The following CNTN2 variants were observed in gnomAD, a reference collection of about 807,000 sequenced individuals.
The protein encoded by CNTN2 is contactin 2.
A neutral mutation model predicts 117.5 loss-of-function variants in CNTN2; 53 were observed. The ratio of observed to expected loss-of-function variants is 0.45; its 90% CI spans 0.36 to 0.57. CNTN2 has a LOEUF of 0.57. Among genes scored for constraint, CNTN2 ranks in the 20% least tolerant of loss-of-function variants. The pLI is 0.00. For missense variants in CNTN2, 1,106 were observed against 1,404.3 expected (o/e 0.79, Z 3.39); for synonymous variants, 530 against 561.7 (o/e 0.94, Z 0.80).
Position 205,066,438 on chromosome 1 carries a change from C to T in CNTN2, c.1817-3C>T. The T allele has an allele frequency of 6.2e-7, 1 of 1,613,216 alleles. No homozygotes were observed. On this transcript the variant is annotated splice_region_variant and splice_polypyrimidine_tract_variant and intron_variant, in intron 14 of 22. Coordinates refer to ENST00000331830, the MANE Select transcript of CNTN2 (RefSeq NM_005076.5). ...CCCACTGTGCTCTGACCTCTTGGTGCAGGTCCGCCAGGTCCCCCAGGAGGT... is the reference window on the plus strand; with the variant it reads ...CCCACTGTGCTCTGACCTCTTGGTGTAGGTCCGCCAGGTCCCCCAGGAGGT...
In CNTN2 at chr1:205,064,307, C is replaced by T. The variant is rs762590722; in HGVS notation, c.1241-15C>T. 1 of 1,548,302 alleles carries T rather than the reference C, an allele frequency of 6.5e-7. No individual in the cohort carries two copies. Among genetic ancestry groups the T allele is most frequent in the South Asian group, 1.2e-5 (1 of 84,936 alleles). On this transcript the variant is annotated splice_polypyrimidine_tract_variant and intron_variant, in intron 10 of 22. Coordinates refer to ENST00000331830, the MANE Select transcript of CNTN2 (RefSeq NM_005076.5). Reference sequence around the variant, plus strand: ...TGACAGTACTTTTCTCTGTGGCTCTCCCCTTTCCTTCTAGCACTCGCCCCT... The same window carrying T: ...TGACAGTACTTTTCTCTGTGGCTCTTCCCTTTCCTTCTAGCACTCGCCCCT...
chr1:205,059,117 C>T lies in CNTN2; in HGVS notation c.521C>T (p.Pro174Leu), dbSNP rs1455768620. The T allele has an allele frequency of 6.2e-7, 1 of 1,614,088 alleles. No individual in the cohort carries two copies. Among genetic ancestry groups the T allele is most frequent in the African/African-American group, 1.3e-5 (1 of 74,938 alleles). ...TACCGCTGGCTCCTCAACGAGTTCCCCAACTTCATCCCGACGGACGGGCGT... is the reference window on the plus strand; with the variant it reads ...TACCGCTGGCTCCTCAACGAGTTCCTCAACTTCATCCCGACGGACGGGCGT... ...LSYRWLLNEF[P>L]NFIPTDGRHF... Residue 174 changes from proline (P) to leucine (L), a missense_variant, in exon 6 of 23, where the codon CCC becomes CTC. Transcript: ENST00000331830. The surrounding 1 kb of genome is among the most constrained non-coding windows in gnomAD (Gnocchi z 5.6).
rs200105942 is a variant in CNTN2 at position 205,065,112 on chromosome 1, C to A, written c.1545C>A (p.Pro515=). The change falls in exon 13 of 23, where the codon CCC becomes CCA. Residue 515 remains proline, a synonymous_variant. Transcript: ENST00000331830. The surrounding 1 kb of genome is among the most constrained non-coding windows in gnomAD (Gnocchi z 4.1). ...VRDATKITLA[P]SSADINLGDN... is the part of the protein sequence containing the mutation. ...ATGCAACCAAAATCACTCTAGCCCC[C>A]TCAAGTGCCGACATCAACTTGGGTG... The A allele has an allele frequency of 5.0e-6, 8 of 1,613,996 alleles. No individual in the cohort carries two copies. Among genetic ancestry groups the A allele is most frequent in the Non-Finnish European group, 6.8e-6 (8 of 1,180,024 alleles).
chr1:205,059,938 A>T lies in CNTN2; in HGVS notation c.797+256A>T. 1 of 509,564 alleles carries T rather than the reference A, an allele frequency of 2.0e-6. No homozygotes were observed. The highest frequency in any genetic ancestry group is 3.4e-5 in the East Asian group (1 of 29,318). The allele number at this position is 509,564 out of a possible 1,614,324, so 31.6% of individuals were successfully genotyped here. A position where few individuals can be genotyped will look rare whatever the true frequency, so the allele number is the denominator to read the frequency against. ...GTGCATGGCAGGCTCAGACAGCTTG[A>T]GTAACACCCAGGGCTGGAGGCAGGC... On this transcript the variant is annotated intron_variant, in intron 7 of 22. Coordinates refer to ENST00000331830, the MANE Select transcript of CNTN2 (RefSeq NM_005076.5). This position sits in a 1 kb window ranked among gnomAD's most constrained non-coding sequence, Gnocchi z 5.6.
At position 205,049,281 on chromosome 1, in the gene CNTN2, GACACACAC is replaced by G. The variant is rs3835569; in HGVS notation, c.-86-3781_-86-3774del. Reference sequence around the variant, plus strand: ...GGCAAGGGGCTGAGTCCTCACACCCGACACACACACACACACACACACACACACACACA... The same window carrying G: ...GGCAAGGGGCTGAGTCCTCACACCCGACACACACACACACACACACACACA... On this transcript the variant is annotated intron_variant, in intron 1 of 22. Coordinates refer to ENST00000331830, the MANE Select transcript of CNTN2 (RefSeq NM_005076.5). Among the ~76,000 whole-genome samples the G allele has an allele frequency of 8.6e-3, 1,032 of 120,700 alleles. 6 individuals are homozygous for G. The highest frequency in any genetic ancestry group is 0.015 in the South Asian group (49 of 3,350). The allele number at this position is 120,700 out of a possible 152,430, so 79.2% of individuals were successfully genotyped here. A position where few individuals can be genotyped will look rare whatever the true frequency, so the allele number is the denominator to read the frequency against.
Position 205,077,281 on chromosome 1 carries a change from G to C in CNTN2, c.*3516G>C, listed in dbSNP as rs1222525944. ...TGCTGCCTCTTTAGGGCAGCCCCAA[G>C]GGCCAGCCAGCCTGTACTCTGGGCA... On this transcript the variant is annotated 3_prime_UTR_variant, in exon 23 of 23. Transcript: ENST00000331830. The C allele has an allele frequency of 6.6e-6, 1 of 152,332 alleles. No individual in the cohort carries two copies. The highest frequency in any genetic ancestry group is 1.5e-5 in the Non-Finnish European group (1 of 68,106). The allele number at this position is 152,332 out of a possible 1,614,324, so 9.4% of individuals were successfully genotyped here.
chr1:205,054,527 C>T (rs1444630399), intron 2 of CNTN2, among the ~76,000 whole-genome samples: 1 of 152,226 alleles, frequency 6.6e-6, no homozygotes, highest in African/African-American at 2.4e-5. Context: ...AGAGGGGAGG[C>T]GCCTGGGCTT....
rs1653851954 is a variant in CNTN2, at chr1:205,059,488, G to A, written c.698-95G>A. The A allele has an allele frequency of 3.8e-6, 5 of 1,304,790 alleles. No homozygotes were observed. Among genetic ancestry groups the A allele is most frequent in the Non-Finnish European group, 5.5e-6 (5 of 905,186 alleles). 80.8% of individuals were successfully genotyped at this position (1,304,790 alleles called of 1,614,324 possible). ...CAAGGAGATTCCACACAGCTGCCTA[G>A]ACAGAGTTGGCTCTGAAAGGTGCTG... On this transcript the variant is annotated intron_variant, in intron 6 of 22. Coordinates refer to ENST00000331830, the MANE Select transcript of CNTN2 (RefSeq NM_005076.5). The surrounding 1 kb of genome is among the most constrained non-coding windows in gnomAD (Gnocchi z 5.6).
Position 205,075,366 on chromosome 1 carries a change from GC to G in CNTN2, c.*1605del, listed in dbSNP as rs1654806869. ...GAAGCTCCCTGTCCCCCTCACTCTTGCCCCAAGAAAAGAGGCCAAAGCAAGA... is the reference window on the plus strand; with the variant it reads ...GAAGCTCCCTGTCCCCCTCACTCTTGCCCAAGAAAAGAGGCCAAAGCAAGA... On this transcript the variant is annotated 3_prime_UTR_variant, in exon 23 of 23. Transcript: ENST00000331830. 6.5e-6 allele frequency: 1 copy of G among 153,378 alleles called. No homozygotes were observed. Among genetic ancestry groups the G allele is most frequent in the Non-Finnish European group, 1.5e-5 (1 of 68,610 alleles). 9.5% of individuals were successfully genotyped at this position (153,378 alleles called of 1,614,324 possible). A position where few individuals can be genotyped will look rare whatever the true frequency, so the allele number is the denominator to read the frequency against.
intron 16 of CNTN2, 52 bp from the exon 17 acceptor site, chr1:205,069,439 T>TG: frequency 6.3e-7 from 1 of 1,587,878 alleles, no homozygotes; most frequent in Non-Finnish European, 8.6e-7. Flanking sequence ...AGGGCTTTCA[T>TG]TTTTTCCTTG....
intron 12 of CNTN2, 30 bp downstream of exon 12, chr1:205,064,780 G>T (rs761840277): frequency 2.5e-6 from 4 of 1,611,866 alleles, no homozygotes; most frequent in Non-Finnish European, 3.4e-6. Context: ...TAGGCCGGGG[G>T]CTCAGCCTCC....
At chr1:205,072,159 G>A in intron 20 of CNTN2, 26 bp downstream of exon 20, 1 of 1,583,452 alleles carries the variant, frequency 6.3e-7, no homozygotes, top group Non-Finnish European at 8.6e-7. Context: ...TGGGGTGGGG[G>A]TAGGGCAATA....
rs1288727676 is a variant in CNTN2 at position 205,065,437 on chromosome 1, C to T, written c.1695+175C>T. On this transcript the variant is annotated intron_variant, in intron 13 of 22. Transcript: ENST00000331830. This position sits in a 1 kb window ranked among gnomAD's most constrained non-coding sequence, Gnocchi z 4.1. ...ATGAACAGCTGACCTTCCTGGATTC[C>T]ACCCAGGGACCATGCATTTAGGAGA... 1.3e-5 allele frequency among the ~76,000 whole-genome samples: 2 copies of T among 152,134 alleles called. No homozygotes were observed. Among genetic ancestry groups the T allele is most frequent in the Admixed American group, 1.3e-4 (2 of 15,284 alleles).
intron 2 of CNTN2, chr1:205,057,523 C>T (rs1274990921): frequency 6.3e-6 from 1 of 158,056 alleles, no homozygotes; most frequent in Non-Finnish European, 1.4e-5. Flanking sequence ...CTGTCTCCCT[C>T]CTTGGACCGC....
rs2096435288 is a variant in CNTN2 at position 205,043,342 on chromosome 1, A to G, written c.-139A>G. 1 of 152,308 alleles carries G rather than the reference A, an allele frequency of 6.6e-6. No individual in the cohort carries two copies. The highest frequency in any genetic ancestry group is 1.5e-5 in the Non-Finnish European group (1 of 68,144). The allele number at this position is 152,308 out of a possible 1,614,324, so 9.4% of individuals were successfully genotyped here. A position where few individuals can be genotyped will look rare whatever the true frequency, so the allele number is the denominator to read the frequency against. On this transcript the variant is annotated 5_prime_UTR_variant, in exon 1 of 23. Transcript: ENST00000331830. The stretch of plus-strand genomic sequence containing the variant: ...CTGGCGGCCCGGCCGGCCCCGGCTC[A>G]CCGACTCGGGCAGCATCCACCTGCC...
At chr1:205,044,466 G>C (rs967213435) in intron 1 of CNTN2, among the ~76,000 whole-genome samples, 9 of 151,912 alleles carry the variant, frequency 5.9e-5, no homozygotes, top group African/African-American at 2.2e-4. Context: ...CCTGGGGGGG[G>C]GGGTCCAGTG....
chr1:205,067,182 T>C lies in CNTN2; in HGVS notation c.2057T>C (p.Ile686Thr), dbSNP rs183638319. The C allele has an allele frequency of 9.9e-6, 16 of 1,614,116 alleles. No individual in the cohort carries two copies. In the East Asian group the frequency reaches 2.9e-4, roughly 29 times the overall value. ...TPWMDYEFRV[I>T]ASNILGTGEP... The stretch of plus-strand genomic sequence containing the variant: ...TGGATGGACTATGAGTTCCGGGTCA[T>C]AGCCAGCAACATTCTGGGCACTGGG... Residue 686 changes from isoleucine (I) to threonine (T), a missense_variant, in exon 16 of 23, where the codon ATA (isoleucine) becomes ACA (threonine). Coordinates refer to ENST00000331830, the MANE Select transcript of CNTN2 (RefSeq NM_005076.5).
rs763711993 is a variant in CNTN2, at chr1:205,069,893, A to T, written c.2263A>T (p.Ser755Cys). The stretch of plus-strand genomic sequence containing the variant: ...CCTGCTGTCCTTCCGCAGGCAGGGC[A>T]GCACTCACTGGCAGACCGCCCGGGT... ...GYLLSFRRQG[S>C]THWQTARVPG... is the part of the protein sequence containing the mutation. The change falls in exon 18 of 23, where the codon AGC becomes TGC. Residue 755 changes from serine to cysteine, a missense_variant. Physicochemically the swap from Ser to Cys is moderately radical, Grantham distance 112 (BLOSUM62 -1). Transcript: ENST00000331830. 4.3e-6 allele frequency: 7 copies of T among 1,613,824 alleles called. No homozygotes were observed. The highest frequency in any genetic ancestry group is 5.1e-6 in the Non-Finnish European group (6 of 1,180,022).
intron 2 of CNTN2, among the ~76,000 whole-genome samples, chr1:205,053,793 C>A (rs2096456761): frequency 6.6e-6 from 1 of 152,230 alleles, no homozygotes; most frequent in African/African-American, 2.4e-5. Context: ...AGCGGTCAAT[C>A]CCACTAAACC....
Sources: gnomAD v4.1 joint callset for allele counts (sites outside exome capture counted in the v4.1 genomes callset) on GRCh38, gnomAD v4.1.1 for gene constraint, Gnocchi (gnomAD v3.1) non-coding constraint, MANE v1.5 for transcripts, NCBI Gene and HGNC (gene_info 2026-07-23, HGNC 2026-07-21) for gene names.